AASS: variants seen among roughly 807,000 people sequenced by gnomAD.
The protein encoded by AASS is alpha-aminoadipic semialdehyde synthase, mitochondrial.
AASS carries 86 observed loss-of-function variants against 105.4 expected under a neutral mutation model. The observed-to-expected ratio is 0.82, with a 90% CI of 0.69 to 0.98. AASS has a LOEUF of 0.98. AASS is among the 50% of genes least tolerant of loss of function. The pLI, the probability that AASS is intolerant of heterozygous loss-of-function variation, is 0.00. For synonymous variants in AASS, 381 were observed against 394.8 expected (o/e 0.96, Z 0.41); for missense variants, 1,048 against 1,143.2 (o/e 0.92, Z 1.20).
At chr7:122,080,595 C>CA (rs973152937) in intron 20 of AASS, among the ~76,000 whole-genome samples, 131 of 151,632 alleles carry the variant, frequency 8.6e-4, no homozygotes, top group Middle Eastern at 3.4e-3. Context: ...CAAATGCACA[C>CA]AAAAAAAATG....
chr7:122,118,494 C>G (rs1427685125), intron 5 of AASS, 41 bp from the exon 6 acceptor site: 1 of 1,613,978 alleles, frequency 6.2e-7, no homozygotes, highest in Non-Finnish European at 8.5e-7. Flanking sequence ...TCCACCAGCT[C>G]AGCATTTTTT....
chr7:122,117,512 T>C (rs1795236967), intron 6 of AASS, among the ~76,000 whole-genome samples: 1 of 152,128 alleles, frequency 6.6e-6, no homozygotes, highest in African/African-American at 2.4e-5. Context: ...CCAAGTAGTC[T>C]TAAAAAATGG....
At chr7:122,113,033 T>C in intron 11 of AASS, 85 bp downstream of exon 11, 1 of 1,089,962 alleles carries the variant, frequency 9.2e-7, no homozygotes, top group Non-Finnish European at 1.4e-6. Flanking sequence ...ATTTCTTAGA[T>C]ACAGAAGACC....
intron 6 of AASS, among the ~76,000 whole-genome samples, chr7:122,117,630 T>G (rs1220453749): frequency 3.3e-5 from 5 of 150,444 alleles, no homozygotes; most frequent in African/African-American, 4.9e-5. Flanking sequence ...TCTTATTTAT[T>G]TATTTATCTA....
intron 15 of AASS, among the ~76,000 whole-genome samples, chr7:122,097,246 A>C (rs762154530): frequency 1.3e-5 from 2 of 152,034 alleles, no homozygotes; most frequent in Non-Finnish European, 2.9e-5. Context: ...TGATCTGTGA[A>C]AGTGACTAGG....
intron 19 of AASS, chr7:122,082,937 TGAAGTGAAGAAAGA>T: frequency 8.8e-7 from 1 of 1,135,830 alleles, no homozygotes; most frequent in Non-Finnish European, 1.2e-6. Context: ...GAATAATAGA[TGAAGTGAAGAAAGA>T]CCATAATGGT....
At chr7:122,087,314 G>T (rs1293543898) in intron 18 of AASS, among the ~76,000 whole-genome samples, 1 of 152,150 alleles carries the variant, frequency 6.6e-6, no homozygotes, top group African/African-American at 2.4e-5. Context: ...AAAGAAAAGG[G>T]CTATGCTGAC....
chr7:122,131,269 CA>C lies in AASS; in HGVS notation c.211-1733del, dbSNP rs544710597. ...TATTAGATTGATGACGAAACCACAC[CA>C]AAAAAAATTCAAATAAGTTTTTTAA... On this transcript the variant is annotated intron_variant, in intron 2 of 23. Coordinates refer to ENST00000417368, the MANE Select transcript of AASS (RefSeq NM_005763.4). Among the ~76,000 whole-genome samples the C allele has an allele frequency of 7.1e-3, 1,050 of 148,330 alleles. 10 individuals carry two copies. The highest frequency in any genetic ancestry group is 0.025 in the African/African-American group (1,010 of 40,446).
chr7:122,121,463 C>G (rs1795438041), intron 4 of AASS, among the ~76,000 whole-genome samples: 1 of 152,034 alleles, frequency 6.6e-6, no homozygotes. Flanking sequence ...GGCATGAACA[C>G]AGTTCACTGC....
At chr7:122,082,640 G>T in intron 19 of AASS, 1 of 326,936 alleles carries the variant, frequency 3.1e-6, no homozygotes, top group Non-Finnish European at 5.9e-6. Context: ...GCCCACTTCG[G>T]GGCAGATAAG....
chr7:122,100,040 A>G (rs903269011), intron 13 of AASS, among the ~76,000 whole-genome samples: 5 of 151,906 alleles, frequency 3.3e-5, no homozygotes, highest in Admixed American at 6.6e-5. Flanking sequence ...CCCAAACCCC[A>G]GACTCCAGGT....
At chr7:122,139,845 G>A (rs542772020) in intron 1 of AASS, among the ~76,000 whole-genome samples, 2 of 152,128 alleles carry the variant, frequency 1.3e-5, no homozygotes, top group South Asian at 2.1e-4. Flanking sequence ...CCAGCTACTC[G>A]GGAGGCTGAA....
chr7:122,076,187 AAC>A lies in AASS; in HGVS notation c.*300_*301del. On this transcript the variant is annotated 3_prime_UTR_variant, in exon 24 of 24. Coordinates refer to ENST00000417368, the MANE Select transcript of AASS (RefSeq NM_005763.4). ...AGACTCCATCTCAAAAAACAACAACAACAAAAAAAAAACAAAAGAAAAAAAGT... is the reference window on the plus strand; with the variant it reads ...AGACTCCATCTCAAAAAACAACAACAAAAAAAAAAACAAAAGAAAAAAAGT... 11 of 316,862 alleles carry A rather than the reference AAC, an allele frequency of 3.5e-5. No homozygotes were observed. The highest frequency in any genetic ancestry group is 8.0e-5 in the East Asian group (1 of 12,468). 19.6% of individuals were successfully genotyped at this position (316,862 alleles called of 1,614,324 possible).
chr7:122,133,618 C>A lies in AASS; in HGVS notation c.109G>T (p.Glu37Ter), dbSNP rs754338654. Residue 37 changes from glutamate to a stop codon, truncating the protein, a stop_gained, in exon 2 of 24, where the codon GAG becomes TAG. Coordinates refer to ENST00000417368, the MANE Select transcript of AASS (RefSeq NM_005763.4). LOFTEE classifies it high-confidence loss of function. ...AVRREDVNAW[E>*]RRAPLAPKHI... Reference sequence around the variant, plus strand: ...TTGGGAGCTAGCGGGGCCCTTCTCTCCCAGGCGTTCACATCCTCCCTCCGG... The same window carrying A: ...TTGGGAGCTAGCGGGGCCCTTCTCTACCAGGCGTTCACATCCTCCCTCCGG... 1.9e-6 allele frequency: 3 copies of A among 1,614,058 alleles called. No homozygotes were observed. The highest frequency in any genetic ancestry group is 2.5e-6 in the Non-Finnish European group (3 of 1,180,036).
At chr7:122,094,346 G>A (rs1367808840) in intron 15 of AASS, among the ~76,000 whole-genome samples, 1 of 151,974 alleles carries the variant, frequency 6.6e-6, no homozygotes, top group Non-Finnish European at 1.5e-5. Context: ...CATCTAAATA[G>A]CAATACTCTA....
chr7:122,112,211 A>G (rs1220048963), intron 11 of AASS, among the ~76,000 whole-genome samples: 1 of 152,220 alleles, frequency 6.6e-6, no homozygotes, highest in Admixed American at 6.5e-5. Flanking sequence ...TTTACCTAAT[A>G]CGGTTTTCAT....
intron 21 of AASS, chr7:122,079,318 T>C: frequency 2.9e-6 from 4 of 1,356,416 alleles, no homozygotes; most frequent in Non-Finnish European, 3.8e-6. Context: ...CTATGACTAC[T>C]CCAAATCTCC....
At chr7:122,133,477 G>C (rs766135838) in intron 2 of AASS, 40 bp downstream of exon 2, 3 of 1,597,998 alleles carry the variant, frequency 1.9e-6, no homozygotes, top group South Asian at 2.2e-5. Flanking sequence ...TCATATGCAG[G>C]TTCATTTTAT....
intron 1 of AASS, among the ~76,000 whole-genome samples, chr7:122,136,991 C>G (rs1021054599): frequency 5.9e-5 from 9 of 152,146 alleles, no homozygotes; most frequent in Admixed American, 2.6e-4. Flanking sequence ...TCTTGGAAGA[C>G]TAGGGAAAAA....
Sources: allele counts gnomAD v4.1 joint callset (sites outside exome capture counted in the v4.1 genomes callset), GRCh38; gene constraint gnomAD v4.1.1; transcripts MANE v1.5; gene names NCBI Gene and HGNC (gene_info 2026-07-23, HGNC 2026-07-21).